ANKS1B: variants seen among roughly 807,000 people sequenced by gnomAD.
The protein encoded by ANKS1B is ankyrin repeat and sterile alpha motif domain containing 1B.
In ANKS1B, 36 loss-of-function variants were observed where a neutral mutation model predicts 148.3. The ratio of observed to expected loss-of-function variants is 0.24; its 90% confidence interval spans 0.19 to 0.32. The LOEUF is 0.32. ANKS1B is among the 10% of genes least tolerant of loss of function. ANKS1B has a pLI of 1.00. For missense variants in ANKS1B, 1,157 were observed against 1,542.6 expected (o/e 0.75, Z 4.19); for synonymous variants, 542 against 560.8 (o/e 0.97, Z 0.47).
At chr12:99,174,958 T>C (rs1290246165) in intron 14 of ANKS1B, among the ~76,000 whole-genome samples, 4 of 152,204 alleles carry the variant, frequency 2.6e-5, no homozygotes, top group Non-Finnish European at 5.9e-5. Flanking sequence ...TTAAGAAAAC[T>C]GATGCTCAAT....
At chr12:99,011,623 C>T (rs1021263850) in intron 17 of ANKS1B, among the ~76,000 whole-genome samples, 10 of 152,124 alleles carry the variant, frequency 6.6e-5, no homozygotes, top group Non-Finnish European at 1.3e-4. Flanking sequence ...ACAACGTGCT[C>T]GCACATATGG....
At chr12:99,736,173 T>C (rs544989205) in intron 8 of ANKS1B, among the ~76,000 whole-genome samples, 2 of 151,948 alleles carry the variant, frequency 1.3e-5, no homozygotes, top group Non-Finnish European at 2.9e-5. Flanking sequence ...GGGAAAGCAT[T>C]TCCTCTAAGA....
At chr12:99,651,819 C>A (rs2098421395) in intron 9 of ANKS1B, among the ~76,000 whole-genome samples, 1 of 151,536 alleles carries the variant, frequency 6.6e-6, no homozygotes, top group Non-Finnish European at 1.5e-5. Context: ...TAAAAATTAC[C>A]ATTTGTGAAT....
intron 9 of ANKS1B, among the ~76,000 whole-genome samples, chr12:99,555,439 C>T (rs1019994789): frequency 6.6e-6 from 1 of 152,234 alleles, no homozygotes; most frequent in East Asian, 1.9e-4. Context: ...ATTTATTTCT[C>T]TTGCCTGATT....
At chr12:99,789,562 A>G (rs2065386879) in intron 4 of ANKS1B, among the ~76,000 whole-genome samples, 1 of 152,250 alleles carries the variant, frequency 6.6e-6, no homozygotes, top group African/African-American at 2.4e-5. Flanking sequence ...TCAAGATAAC[A>G]CAGAGAAGGA....
intron 1 of ANKS1B, among the ~76,000 whole-genome samples, chr12:99,969,093 A>C (rs2095526385): frequency 6.6e-6 from 1 of 152,226 alleles, no homozygotes; most frequent in African/African-American, 2.4e-5. Flanking sequence ...TGGGATGGAC[A>C]AGTTATTAAA....
chr12:99,718,869 C>T (rs1194393186), intron 8 of ANKS1B, among the ~76,000 whole-genome samples: 1 of 152,210 alleles, frequency 6.6e-6, no homozygotes, highest in African/African-American at 2.4e-5. Context: ...CACAAGGCTT[C>T]ACAGACAGCC....
chr12:99,732,773 T>C (rs1055331899), intron 8 of ANKS1B, among the ~76,000 whole-genome samples: 4 of 152,282 alleles, frequency 2.6e-5, no homozygotes, highest in East Asian at 1.9e-4. Flanking sequence ...ATAGAAGCAA[T>C]GTATTAAATA....
rs1379716821 is a variant in ANKS1B, at chr12:99,962,418, C to T, written c.134+21686G>A. The stretch of plus-strand genomic sequence containing the variant: ...TATGGCTGTATAGTATTCCATGGTG[C>T]ATATGTACCACATTTTCTTTATCCA... On this transcript the variant is annotated intron_variant, in intron 1 of 26. Transcript: ENST00000683438. Among the ~76,000 whole-genome samples, 5 of 152,226 alleles carry T rather than the reference C, an allele frequency of 3.3e-5. No individual in the cohort carries two copies. The East Asian group carries it at 9.7e-4, about 29-fold the overall frequency.
chr12:99,907,438 G>A (rs1304109205), intron 1 of ANKS1B, among the ~76,000 whole-genome samples: 5 of 152,170 alleles, frequency 3.3e-5, no homozygotes, highest in African/African-American at 1.2e-4. Flanking sequence ...TGCATGATCA[G>A]ACCAGTGATA....
intron 8 of ANKS1B, among the ~76,000 whole-genome samples, chr12:99,742,698 C>T (rs540070908): frequency 4.6e-5 from 7 of 151,746 alleles, no homozygotes; most frequent in Non-Finnish European, 8.8e-5. Flanking sequence ...ATTAGCCAGG[C>T]GTGGTGGTGC....
intron 12 of ANKS1B, among the ~76,000 whole-genome samples, chr12:99,282,098 G>T (rs1302575691): frequency 1.3e-5 from 2 of 152,132 alleles, no homozygotes; most frequent in Admixed American, 6.6e-5. Flanking sequence ...AGGAAGATGG[G>T]TGTGTTGTGA....
intron 2 of ANKS1B, among the ~76,000 whole-genome samples, chr12:99,821,405 C>G (rs1018146409): frequency 2.0e-4 from 30 of 151,422 alleles, no homozygotes; most frequent in African/African-American, 7.3e-4. Flanking sequence ...ATCAAATTAT[C>G]TGTTTGTGAG....
intron 24 of ANKS1B, among the ~76,000 whole-genome samples, chr12:98,778,932 C>T (rs2098707291): frequency 6.6e-6 from 1 of 152,226 alleles, no homozygotes; most frequent in African/African-American, 2.4e-5. Flanking sequence ...TTGCAGGTCA[C>T]TGGGATGTGG....
intron 8 of ANKS1B, among the ~76,000 whole-genome samples, chr12:99,687,407 T>G (rs1232797171): frequency 6.6e-6 from 1 of 152,194 alleles, no homozygotes; most frequent in Non-Finnish European, 1.5e-5. Flanking sequence ...TTTCAAACAT[T>G]ATTTTCTCAA....
chr12:99,892,869 C>T (rs536037447), intron 1 of ANKS1B, among the ~76,000 whole-genome samples: 105 of 152,268 alleles, frequency 6.9e-4, no homozygotes, highest in Non-Finnish European at 1.1e-3. Context: ...AATATAGAGA[C>T]TTCTTCCTCA....
intron 12 of ANKS1B, among the ~76,000 whole-genome samples, chr12:99,389,969 T>C (rs2094001656): frequency 6.6e-6 from 1 of 152,170 alleles, no homozygotes; most frequent in Admixed American, 6.5e-5. Context: ...TCAGCTCTGC[T>C]CATCAGCAGG....
chr12:99,727,137 C>T (rs1461977691), intron 8 of ANKS1B, among the ~76,000 whole-genome samples: 1 of 151,954 alleles, frequency 6.6e-6, no homozygotes, highest in Admixed American at 6.6e-5. Flanking sequence ...AAATTCTGGC[C>T]AGGGCAATCA....
intron 8 of ANKS1B, among the ~76,000 whole-genome samples, chr12:99,755,108 G>C (rs1399915800): frequency 6.6e-6 from 1 of 151,398 alleles, no homozygotes; most frequent in Admixed American, 6.6e-5. Context: ...AAATAGCTAA[G>C]CTAATAAAGA....
Sources: allele counts gnomAD v4.1 joint callset (sites outside exome capture counted in the v4.1 genomes callset), GRCh38; gene constraint gnomAD v4.1.1; transcripts MANE v1.5; gene names NCBI Gene and HGNC (gene_info 2026-07-23, HGNC 2026-07-21).